CSMD1: variants seen among roughly 807,000 people sequenced by gnomAD.
The protein encoded by CSMD1 is CUB and sushi domain-containing protein 1.
In CSMD1, 213 loss-of-function variants were observed where a neutral mutation model predicts 417.5. That is an observed-to-expected ratio of 0.51 (90% confidence interval 0.46 to 0.57). The LOEUF (loss-of-function observed/expected upper bound fraction) is 0.57, where lower values mean the gene tolerates loss of function less well. CSMD1 is among the 20% of genes least tolerant of loss of function. The probability of loss-of-function intolerance (pLI) is 0.00; values close to 1 mark genes in which losing one functional copy is unlikely to be tolerated. For synonymous variants in CSMD1, 2,862 were observed against 1,736.8 expected (o/e 1.65, Z -16.11); for missense variants, 6,923 against 4,529.7 (o/e 1.53, Z -15.17).
chr8:3,399,075 G>T (rs1301200747), intron 16 of CSMD1, among the ~76,000 whole-genome samples: 1 of 152,038 alleles, frequency 6.6e-6, no homozygotes, highest in Admixed American at 6.6e-5. Flanking sequence ...GTTTCCATGT[G>T]CAATCAGACA....
intron 1 of CSMD1, among the ~76,000 whole-genome samples, chr8:4,853,820 G>C (rs1384211385): frequency 2.6e-5 from 4 of 152,188 alleles, no homozygotes; most frequent in African/African-American, 4.8e-5. Flanking sequence ...CCTGACCAAA[G>C]CCTTGGGAGC....
At chr8:4,620,199 T>A (rs1025667391) in intron 2 of CSMD1, among the ~76,000 whole-genome samples, 11 of 151,660 alleles carry the variant, frequency 7.3e-5, no homozygotes, top group African/African-American at 2.7e-4. Flanking sequence ...AGTAGAAATT[T>A]AAGGTAATAT....
chr8:4,274,513 T>C (rs577914614), intron 3 of CSMD1, among the ~76,000 whole-genome samples: 1 of 152,280 alleles, frequency 6.6e-6, no homozygotes, highest in South Asian at 2.1e-4. Context: ...TTCTTTAATA[T>C]TTGTTTAGTC....
rs1478375800 is a variant in CSMD1 at position 4,347,477 on chromosome 8, G to A, written c.415+72476C>T. ...TTATACCACATCTATGAAGAAGAAG[G>A]AAATTGCAAGACTAAAGGAGACTAA... On this transcript the variant is annotated intron_variant, in intron 3 of 69. Coordinates refer to ENST00000635120, the MANE Select transcript of CSMD1 (RefSeq NM_033225.6). Among the ~76,000 whole-genome samples the A allele has an allele frequency of 2.0e-5, 3 of 152,194 alleles. 1 individual carries two copies. Among genetic ancestry groups the A allele is most frequent in the Non-Finnish European group, 4.4e-5 (3 of 67,986 alleles).
At chr8:3,801,460 G>C (rs1360909075) in intron 5 of CSMD1, among the ~76,000 whole-genome samples, 5 of 152,094 alleles carry the variant, frequency 3.3e-5, no homozygotes, top group Non-Finnish European at 4.4e-5. Flanking sequence ...GCTATCACTG[G>C]ACAGATGATA....
chr8:3,699,379 C>T (rs919798856), intron 7 of CSMD1, among the ~76,000 whole-genome samples: 3 of 152,198 alleles, frequency 2.0e-5, no homozygotes, highest in Non-Finnish European at 4.4e-5. Flanking sequence ...TTGTGCTTTT[C>T]TCCATACAAC....
In CSMD1 at chr8:3,557,498, CATT is replaced by C. The variant is rs201805165; in HGVS notation, c.1344+17444_1344+17446del. Among the ~76,000 whole-genome samples, 1,028 of 151,898 alleles carry C rather than the reference CATT, an allele frequency of 6.8e-3. 18 individuals are homozygous for C. Among genetic ancestry groups the C allele is most frequent in the African/African-American group, 0.023 (957 of 41,436 alleles). ...AAAAGATAATTTAAACAACATGTCT[CATT>C]ATGCACCATTAAGAAACAAACAAAC... On this transcript the variant is annotated intron_variant, in intron 10 of 69. Coordinates refer to ENST00000635120, the MANE Select transcript of CSMD1 (RefSeq NM_033225.6).
intron 1 of CSMD1, among the ~76,000 whole-genome samples, chr8:4,957,326 G>A (rs1209436495): frequency 2.0e-5 from 3 of 152,166 alleles, no homozygotes; most frequent in Non-Finnish European, 4.4e-5. Context: ...AACAAGGAAA[G>A]ATGCGTTGGC....
chr8:4,133,853 G>A (rs979253634), intron 3 of CSMD1, among the ~76,000 whole-genome samples: 1 of 151,964 alleles, frequency 6.6e-6, no homozygotes, highest in African/African-American at 2.4e-5. Context: ...TTGCAATCAG[G>A]GTTACACATA....
chr8:3,546,283 C>CT, intron 10 of CSMD1, among the ~76,000 whole-genome samples: 1 of 149,358 alleles, frequency 6.7e-6, no homozygotes, highest in East Asian at 2.0e-4. Flanking sequence ...AAAAAAAAAT[C>CT]CCAGTACTTT....
intron 1 of CSMD1, among the ~76,000 whole-genome samples, chr8:4,898,696 T>C (rs1449075013): frequency 6.6e-6 from 1 of 152,108 alleles, no homozygotes; most frequent in Non-Finnish European, 1.5e-5. Context: ...AAAAACGAAA[T>C]GGAATAGATT....
intron 12 of CSMD1, among the ~76,000 whole-genome samples, chr8:3,466,577 A>ATTTTTTTTTTTTTTTTTT (rs35761429): frequency 8.8e-6 from 1 of 113,606 alleles, no homozygotes. Flanking sequence ...CAATCAGCTA[A>ATTTTTTTTTTTTTTTTTT]TTTTTTTTTT....
chr8:4,119,641 C>A (rs1275663598), intron 3 of CSMD1, among the ~76,000 whole-genome samples: 1 of 152,226 alleles, frequency 6.6e-6, no homozygotes, highest in East Asian at 1.9e-4. Context: ...CTGTGAGGAA[C>A]AAGGAAGCAC....
intron 5 of CSMD1, among the ~76,000 whole-genome samples, chr8:3,978,630 C>G (rs866720618): frequency 6.6e-6 from 1 of 152,076 alleles, no homozygotes; most frequent in Non-Finnish European, 1.5e-5. Flanking sequence ...AACGTCTCGT[C>G]GCTGCTGTCT....
At chr8:4,510,981 A>G (rs1802791126) in intron 2 of CSMD1, among the ~76,000 whole-genome samples, 1 of 151,350 alleles carries the variant, frequency 6.6e-6, no homozygotes, top group African/African-American at 2.4e-5. Flanking sequence ...ATACTTGACA[A>G]TCTCTAAGGA....
intron 3 of CSMD1, among the ~76,000 whole-genome samples, chr8:4,042,606 T>C (rs1797946846): frequency 6.6e-6 from 1 of 151,900 alleles, no homozygotes; most frequent in African/African-American, 2.4e-5. Flanking sequence ...CCAGGAATGA[T>C]ACCCGTATGG....
chr8:3,812,723 C>G (rs147715969), intron 5 of CSMD1, among the ~76,000 whole-genome samples: 171 of 152,286 alleles, frequency 1.1e-3, no homozygotes, highest in African/African-American at 3.3e-3. Context: ...TCAGTAGACT[C>G]CACAAACACC....
chr8:3,246,473 A>T (rs117459261), intron 26 of CSMD1, among the ~76,000 whole-genome samples: 13,176 of 151,798 alleles, frequency 0.087, 763 homozygotes, highest in Non-Finnish European at 0.12. Context: ...TTATTTTTTT[A>T]AATTTGTATT....
chr8:3,522,013 T>C (rs1231219401), intron 10 of CSMD1, among the ~76,000 whole-genome samples: 6 of 152,228 alleles, frequency 3.9e-5, no homozygotes, highest in Admixed American at 1.3e-4. Flanking sequence ...TTGCATTATC[T>C]TTCATCTCAA....
Sources: gnomAD v4.1 joint callset for allele counts (sites outside exome capture counted in the v4.1 genomes callset) on GRCh38, gnomAD v4.1.1 for gene constraint, MANE v1.5 for transcripts, NCBI Gene and HGNC (gene_info 2026-07-23, HGNC 2026-07-21) for gene names.